The following SI variants were observed in gnomAD, a reference collection of about 807,000 sequenced individuals.
SI encodes the protein sucrase-isomaltase.
A neutral mutation model predicts 253.3 loss-of-function variants in SI; 235 were observed. The ratio of observed to expected loss-of-function variants is 0.93; its 90% CI spans 0.83 to 1.03. The LOEUF (loss-of-function observed/expected upper bound fraction) is 1.03, where lower values mean the gene tolerates loss of function less well. Ranked by LOEUF, SI falls within the 50% of genes least tolerant of loss-of-function variation. The pLI, the probability that SI is intolerant of heterozygous loss-of-function variation, is 0.00. For missense variants in SI, 2,442 were observed against 2,211.1 expected, an observed-to-expected ratio of 1.10 and a Z score of -2.09; for synonymous variants, 819 against 712.0, an observed-to-expected ratio of 1.15 and a Z score of -2.39.
chr3:165,041,589 A>G (rs1389822117), intron 17 of SI, among the ~76,000 whole-genome samples: 1 of 152,054 alleles, frequency 6.6e-6, no homozygotes, highest in Non-Finnish European at 1.5e-5. Context: ...TCCCATTGCT[A>G]TTAGAATTAT....
intron 37 of SI, among the ~76,000 whole-genome samples, chr3:165,003,808 C>A (rs1293487532): frequency 6.6e-6 from 1 of 151,550 alleles, no homozygotes; most frequent in African/African-American, 2.4e-5. Context: ...AAAAAGCATA[C>A]AACAGATATA....
At chr3:165,066,169 T>C (rs1433171111) in intron 6 of SI, among the ~76,000 whole-genome samples, 1 of 151,944 alleles carries the variant, frequency 6.6e-6, no homozygotes, top group African/African-American at 2.4e-5. Context: ...TAATTTACAT[T>C]GTATTCATTA....
intron 24 of SI, among the ~76,000 whole-genome samples, chr3:165,031,261 G>A (rs906632575): frequency 1.3e-5 from 2 of 149,038 alleles, no homozygotes; most frequent in Non-Finnish European, 3.0e-5. Context: ...AAACATAATT[G>A]CAAAACTTTA....
intron 44 of SI, among the ~76,000 whole-genome samples, chr3:164,987,630 A>C (rs562441949): frequency 1.3e-5 from 2 of 151,714 alleles, no homozygotes; most frequent in Admixed American, 6.6e-5. Context: ...AATTGCTTGA[A>C]CCCGGGAGGT....
chr3:165,049,076 CA>C (rs1560007636), intron 15 of SI, 50 bp downstream of exon 15: 1 of 1,028,024 alleles, frequency 9.7e-7, no homozygotes, highest in South Asian at 1.3e-5. Context: ...TTATCAAAAA[CA>C]TTTTTAAGCA....
chr3:164,998,467 G>T lies in SI; in HGVS notation c.4540+73C>A. Reference sequence around the variant, plus strand: ...AATTCTGAGGACTTATAAATGTTATGACCTAGCACCAGCAAAAGTGAGTAT... The same window carrying T: ...AATTCTGAGGACTTATAAATGTTATTACCTAGCACCAGCAAAAGTGAGTAT... On this transcript the variant is annotated intron_variant, in intron 38 of 47. Transcript: ENST00000264382. 4 of 1,477,416 alleles carry T rather than the reference G, an allele frequency of 2.7e-6. No homozygotes were observed. In the South Asian group the frequency reaches 3.4e-5, roughly 13 times the overall value. 91.5% of individuals were successfully genotyped at this position (1,477,416 alleles called of 1,614,324 possible). A position where few individuals can be genotyped will look rare whatever the true frequency, so the allele number is the denominator to read the frequency against.
intron 22 of SI, among the ~76,000 whole-genome samples, chr3:165,035,430 G>A (rs915258469): frequency 6.6e-6 from 1 of 151,698 alleles, no homozygotes; most frequent in African/African-American, 2.4e-5. Context: ...ATAAATAAAT[G>A]TAATTTATTT....
In SI at chr3:165,055,259, T is replaced by C. The variant is rs1335123778; in HGVS notation, c.1447A>G (p.Ile483Val). ...VYPDFTNPNC[I>V]DWWANECSIF... ...CTGCATTCATTTGCCCACCAATCAA[T>C]GCAGTTTGGGTTAGTGAAATCAGGG... Residue 483 changes from isoleucine to valine, a missense_variant, in exon 13 of 48, where the codon ATT (isoleucine) becomes GTT (valine). Ile to Val is a conservative substitution (Grantham distance 29, BLOSUM62 3). Transcript: ENST00000264382. The C allele has an allele frequency of 1.9e-6, 3 of 1,611,934 alleles. No individual in the cohort carries two copies. Among genetic ancestry groups the C allele is most frequent in the Non-Finnish European group, 2.5e-6 (3 of 1,178,582 alleles).
chr3:165,011,706 A>G (rs1718775235), intron 34 of SI, among the ~76,000 whole-genome samples: 2 of 149,170 alleles, frequency 1.3e-5, no homozygotes, highest in Admixed American at 1.3e-4. Context: ...TTATTTATTT[A>G]TTATTGTTCT....
rs770175290 is a variant in SI at position 165,015,994 on chromosome 3, A to G, written c.3846T>C (p.Val1282=). ...GEAFQDLPQF[V]DKIRGEGMRY... is the part of the protein sequence containing the mutation. ...TCATTCCTTCTCCTCTTATTTTGTC[A>G]ACAAACTGAGGAAGGTCCTGGAATG... The change falls in exon 32 of 48, where the codon GTT becomes GTC. Residue 1282 remains valine (V), a synonymous_variant. Transcript: ENST00000264382. 6.2e-7 allele frequency: 1 copy of G among 1,611,882 alleles called. No homozygotes were observed. Among genetic ancestry groups the G allele is most frequent in the South Asian group, 1.1e-5 (1 of 91,046 alleles).
intron 46 of SI, 112 bp downstream of exon 46, chr3:164,982,890 A>T: frequency 1.9e-6 from 2 of 1,033,386 alleles, no homozygotes; most frequent in Non-Finnish European, 2.8e-6. Context: ...GCCTCAAGCA[A>T]TCCTCCCATG....
chr3:165,052,251 TG>T lies in SI; in HGVS notation c.1513-2377del, dbSNP rs1385861541. ...TTTAAGTGAAACTACAGTTATTTAA[TG>T]TCATATACCACTGCATTAAATTAAG... On this transcript the variant is annotated intron_variant, in intron 13 of 47. Coordinates refer to ENST00000264382, the MANE Select transcript of SI (RefSeq NM_001041.4). 1.5e-4 allele frequency among the ~76,000 whole-genome samples: 23 copies of T among 152,288 alleles called. 1 individual carries two copies. The highest frequency in any genetic ancestry group is 4.8e-4 in the African/African-American group (20 of 41,574).
At chr3:165,051,834 T>TAA (rs1713449811) in intron 13 of SI, among the ~76,000 whole-genome samples, 1 of 151,980 alleles carries the variant, frequency 6.6e-6, no homozygotes, top group Non-Finnish European at 1.5e-5. Context: ...GATGAAAATT[T>TAA]TTTTTAGAAA....
rs1376188555 is a variant in SI, at chr3:165,049,211, A to G, written c.1631T>C (p.Ile544Thr). Residue 544 changes from isoleucine to threonine, a missense_variant, in exon 15 of 48, where the codon ATT (isoleucine) becomes ACT (threonine). Physicochemically the swap from Ile to Thr is moderately conservative, Grantham distance 89 (BLOSUM62 -1). Transcript: ENST00000264382. ...ILDKLMYSKTICMDAVQNWGK... is the reference protein window; with the variant it reads ...ILDKLMYSKTTCMDAVQNWGK... ...CCAGTTCTGCACAGCATCCATGCAA[A>G]TTGTTTTGGAATACATGAGTTTGTC... 1 of 1,610,482 alleles carries G rather than the reference A, an allele frequency of 6.2e-7. No individual in the cohort carries two copies. The highest frequency in any genetic ancestry group is 1.1e-5 in the South Asian group (1 of 90,830).
At chr3:165,084,110 G>A in the SI span, among the ~76,000 whole-genome samples, 2 of 151,964 alleles carry the variant, frequency 1.3e-5, no homozygotes, top group Non-Finnish European at 2.9e-5. Flanking sequence ...TGGAGCTCTT[G>A]TGAATGAAAA....
At chr3:165,005,041 T>G (rs534903820) in intron 37 of SI, among the ~76,000 whole-genome samples, 1 of 152,142 alleles carries the variant, frequency 6.6e-6, no homozygotes, top group South Asian at 2.1e-4. Context: ...CCTAAAGTCA[T>G]GTAAGATGCA....
intron 25 of SI, 112 bp downstream of exon 25, chr3:165,030,600 T>G (rs926966818): frequency 2.7e-6 from 3 of 1,106,256 alleles, no homozygotes; most frequent in Non-Finnish European, 2.7e-6. Context: ...CAAATGATTA[T>G]CTACTTGAAT....
chr3:165,039,224 A>G, intron 19 of SI, 90 bp from the exon 20 acceptor site: 1 of 832,222 alleles, frequency 1.2e-6, no homozygotes, highest in South Asian at 1.5e-5. Context: ...TAGTCAAGGG[A>G]AAAAAACTTT....
Position 165,032,599 on chromosome 3 carries a change from C to T in SI, c.2659G>A (p.Val887Ile), listed in dbSNP as rs1262615540. 6.2e-7 allele frequency: 1 copy of T among 1,608,786 alleles called. No homozygotes were observed. Among genetic ancestry groups the T allele is most frequent in the Non-Finnish European group, 8.5e-7 (1 of 1,176,552 alleles). The stretch of plus-strand genomic sequence containing the variant: ...TTTTCCGCCACTCTAACTTCTGTAA[C>T]ACTGTCTGTCAACCCAAGGATTTTT... Reference protein sequence around the residue: ...TVKILGLTDSVTEVRVAENNQ... With the variant: ...TVKILGLTDSITEVRVAENNQ... Residue 887 changes from valine (V) to isoleucine (I), a missense_variant, in exon 24 of 48, where the codon GTT (valine) becomes ATT (isoleucine). By Grantham distance (29) the Val-to-Ile change is conservative. Transcript: ENST00000264382.
Sources: allele counts gnomAD v4.1 joint callset (sites outside exome capture counted in the v4.1 genomes callset), GRCh38; gene constraint gnomAD v4.1.1; transcripts MANE v1.5; gene names NCBI Gene and HGNC (gene_info 2026-07-23, HGNC 2026-07-21).